ABCA2: variants seen among roughly 807,000 people sequenced by gnomAD.
The protein encoded by ABCA2 is ATP-binding cassette sub-family A member 2.
In ABCA2, 84 loss-of-function variants were observed where a neutral mutation model predicts 262.8. The observed-to-expected ratio is 0.32, with a 90% CI of 0.27 to 0.38. The LOEUF (loss-of-function observed/expected upper bound fraction) is 0.38, where lower values mean the gene tolerates loss of function less well. ABCA2 is among the 10% of genes least tolerant of loss of function. The pLI, the probability that ABCA2 is intolerant of heterozygous loss-of-function variation, is 1.00. For missense variants in ABCA2, 2,662 were observed against 3,405.9 expected (o/e 0.78, Z 5.44); for synonymous variants, 1,696 against 1,502.9 (o/e 1.13, Z -2.97).
chr9:137,022,946 G>A lies in ABCA2; in HGVS notation c.270C>T (p.Asn90=). The change falls in exon 4 of 49, where the codon AAC becomes AAT. Residue 90 remains asparagine (N), a synonymous_variant. Transcript: ENST00000341511. ...RDEFGFLQYA[N]STVTQLLERL... ...AGGGGCGGGTGGGCACTCACGTGGA[G>A]TTGGCGTACTGCAGGAAGCCGAACT... 6.3e-7 allele frequency: 1 copy of A among 1,574,962 alleles called. No homozygotes were observed. The highest frequency in any genetic ancestry group is 8.6e-7 in the Non-Finnish European group (1 of 1,161,280).
rs768000254 is a variant in ABCA2, at chr9:137,017,956, G to A, written c.2096+17C>T. 1.6e-5 allele frequency: 25 copies of A among 1,612,172 alleles called. No individual in the cohort carries two copies. The highest frequency in any genetic ancestry group is 4.4e-5 in the South Asian group (4 of 91,074). On this transcript the variant is annotated intron_variant, in intron 15 of 48. Coordinates refer to ENST00000341511, the MANE Select transcript of ABCA2 (RefSeq NM_001606.5). ...CAGCCCCAGCCCCAGCCCCAGCCCC[G>A]GGCGCCCAGCACTCACTCATCGCGT...
At chr9:137,009,223 C>T (rs1423138858) in intron 45 of ABCA2, 147 bp downstream of exon 45, 5 of 821,616 alleles carry the variant, frequency 6.1e-6, no homozygotes, top group Non-Finnish European at 9.3e-6. Flanking sequence ...CCTGGCCCCA[C>T]TGCCCCAGTC....
rs199857912 is a variant in ABCA2 at position 137,019,192 on chromosome 9, G to C, written c.1540C>G (p.Arg514Gly). The change falls in exon 11 of 49, where the codon CGC becomes GGC. Residue 514 changes from arginine to glycine, a missense_variant. Physicochemically the swap from Arg to Gly is moderately radical, Grantham distance 125. This residue lies in a region of ABCA2 where 187 missense variants were observed against 205.9 expected (regional missense o/e 0.91). Coordinates refer to ENST00000341511, the MANE Select transcript of ABCA2 (RefSeq NM_001606.5). This position sits in a 1 kb window ranked among gnomAD's most constrained non-coding sequence, Gnocchi z 4.4. ...ACCCTTGGCACCTGCTGCAGCCAGCGCAGGTGTTGCTGCAGCCTGCCCTGC... is the reference window on the plus strand; with the variant it reads ...ACCCTTGGCACCTGCTGCAGCCAGCCCAGGTGTTGCTGCAGCCTGCCCTGC... ...LEQGRLQQHL[R>G]WLQQYVAELR... The C allele has an allele frequency of 1.2e-5, 19 of 1,612,312 alleles. No individual in the cohort carries two copies. The highest frequency in any genetic ancestry group is 1.3e-5 in the Non-Finnish European group (15 of 1,179,796).
chr9:137,014,803 T>C lies in ABCA2; in HGVS notation c.3890A>G (p.Glu1297Gly). The change falls in exon 26 of 49, where the codon GAG (glutamate) becomes GGG (glycine). Residue 1297 changes from glutamate to glycine, a missense_variant. Physicochemically the swap from Glu to Gly is moderately conservative, Grantham distance 98 (BLOSUM62 -2). Around this residue, in one of 12 missense-constraint regions of ABCA2, gnomAD observed 297 missense variants for 286.5 expected, o/e 1.04. Transcript: ENST00000341511. ...GAGGTGCAGTGCATCCAGGCTGCGC[T>C]CCAGGTGCTGCAGGGGCGGTGGAGG... is the stretch of plus-strand genomic sequence containing the variant. ...GAFERLFQHL[E>G]RSLDALHLSS... 6.2e-7 allele frequency: 1 copy of C among 1,600,232 alleles called. No individual in the cohort carries two copies. The highest frequency in any genetic ancestry group is 1.1e-5 in the South Asian group (1 of 88,660).
In ABCA2 at chr9:137,022,358, G is replaced by A. The variant is rs769456540; in HGVS notation, c.560C>T (p.Pro187Leu). The A allele has an allele frequency of 1.7e-5, 27 of 1,606,042 alleles. No homozygotes were observed. Among genetic ancestry groups the A allele is most frequent in the East Asian group, 2.2e-5 (1 of 44,700 alleles). Reference sequence around the variant, plus strand: ...GAGCTGTCCCTGCCTTACCTCGGGCGGGTCCACACGGGCGGCCAAGAGTGC... The same window carrying A: ...GAGCTGTCCCTGCCTTACCTCGGGCAGGTCCACACGGGCGGCCAAGAGTGC... ...AQALLAARVD[P>L]PEVYHLLFGP... Residue 187 changes from proline (P) to leucine (L), a missense_variant, in exon 6 of 49, where the codon CCG becomes CTG. This residue lies in a region of ABCA2 where 403 missense variants were observed against 375.9 expected (regional missense o/e 1.07). Coordinates refer to ENST00000341511, the MANE Select transcript of ABCA2 (RefSeq NM_001606.5).
chr9:137,025,460 G>A (rs1831623537), intron 1 of ABCA2, among the ~76,000 whole-genome samples: 2 of 152,254 alleles, frequency 1.3e-5, no homozygotes, highest in African/African-American at 2.4e-5. Flanking sequence ...AGCCCCCAGT[G>A]TGCTGTGTGG....
At chr9:137,017,934 C>T (rs150028688) in intron 15 of ABCA2, 33 bp from the exon 16 acceptor site, 1 of 1,611,106 alleles carries the variant, frequency 6.2e-7, no homozygotes, top group Non-Finnish European at 8.5e-7. Flanking sequence ...CGCCACTCAG[C>T]CCCAGCCCCA....
At chr9:137,013,622 G>T in intron 28 of ABCA2, 59 bp from the exon 29 acceptor site, 5 of 1,514,012 alleles carry the variant, frequency 3.3e-6, no homozygotes, top group Non-Finnish European at 3.6e-6. Context: ...CGGCCCCCAA[G>T]CCTCGGTCCC....
In ABCA2 at chr9:137,009,612, G is replaced by A; in HGVS notation, c.6663C>T (p.Ala2221=). 1 of 1,612,960 alleles carries A rather than the reference G, an allele frequency of 6.2e-7. No homozygotes were observed. The highest frequency in any genetic ancestry group is 8.5e-7 in the Non-Finnish European group (1 of 1,179,912). ...DEPTTGMDPK[A]RRFLWNLILD... is the part of the protein sequence containing the mutation. ...GGATGAGGTTCCAGAGGAAGCGCCG[G>A]GCCTTGGGGTCCATGCCTGTGGTGG... The change falls in exon 44 of 49, where the codon GCC becomes GCT. Residue 2221 remains alanine, a synonymous_variant. Coordinates refer to ENST00000341511, the MANE Select transcript of ABCA2 (RefSeq NM_001606.5).
rs1199548047 is a variant in ABCA2 at position 137,013,454 on chromosome 9, G to C, written c.4550+7C>G. The C allele has an allele frequency of 1.9e-6, 3 of 1,600,630 alleles. No homozygotes were observed. Among genetic ancestry groups the C allele is most frequent in the Non-Finnish European group, 1.7e-6 (2 of 1,175,860 alleles). ...CCCACCAAGGCTGCCCCCGCTGGAG[G>C]CCTCACCGGTACTCGCGGCGCTCCT... On this transcript the variant is annotated splice_region_variant and intron_variant, in intron 29 of 48. Coordinates refer to ENST00000341511, the MANE Select transcript of ABCA2 (RefSeq NM_001606.5).
chr9:137,012,655 G>A, intron 31 of ABCA2, 57 bp downstream of exon 31: 1 of 1,610,384 alleles, frequency 6.2e-7, no homozygotes, highest in Non-Finnish European at 8.5e-7. Flanking sequence ...GGCAGGAGTT[G>A]AGACTAGGTG....
chr9:137,008,332 C>G, intron 48 of ABCA2, 84 bp downstream of exon 48: 2 of 1,479,770 alleles, frequency 1.4e-6, no homozygotes, highest in Non-Finnish European at 1.8e-6. Flanking sequence ...CAGTTCTCCC[C>G]CGACCCCACC....
Position 137,013,293 on chromosome 9 carries a change from G to T in ABCA2, c.4576C>A (p.Pro1526Thr). 6.4e-7 allele frequency: 1 copy of T among 1,568,748 alleles called. No homozygotes were observed. The change falls in exon 30 of 49, where the codon CCC becomes ACC. Residue 1526 changes from proline (P) to threonine (T), a missense_variant. Transcript: ENST00000341511. ...CGGAACGTGCTCACGAGCTGCTGGG[G>T]GCTGGCGTCGGGCGATAGCCGCAGC... ...YRLRLSPDAS[P>T]QQLVSTFRLP... is the part of the protein sequence containing the mutation.
Position 137,021,093 on chromosome 9 carries a change from G to A in ABCA2, c.898-32C>T. The A allele has an allele frequency of 6.9e-7, 1 of 1,457,142 alleles. No homozygotes were observed. The highest frequency in any genetic ancestry group is 1.4e-5 in the African/African-American group (1 of 70,502). The allele number at this position is 1,457,142 out of a possible 1,614,324, so 90.3% of individuals were successfully genotyped here. A position where few individuals can be genotyped will look rare whatever the true frequency, so the allele number is the denominator to read the frequency against. ...GGAAACAGGCACGTGGGCAGTGCGG[G>A]GTGAGATGGACTGCAGGTGGGTGAT... On this transcript the variant is annotated intron_variant, in intron 8 of 48. Coordinates refer to ENST00000341511, the MANE Select transcript of ABCA2 (RefSeq NM_001606.5). The surrounding 1 kb of genome is among the most constrained non-coding windows in gnomAD (Gnocchi z 6.0).
Position 137,014,155 on chromosome 9 carries a change from C to T in ABCA2, c.4240+13G>A. On this transcript the variant is annotated intron_variant, in intron 27 of 48. Transcript: ENST00000341511. ...CCTCCCTTGCTGTCCCAGCCTCACC[C>T]TGCCACCCCCACCTTGCAGGCTGAC... 6.2e-7 allele frequency: 1 copy of T among 1,603,576 alleles called. No homozygotes were observed. The highest frequency in any genetic ancestry group is 8.5e-7 in the Non-Finnish European group (1 of 1,175,128).
intron 17 of ABCA2, 27 bp downstream of exon 17, chr9:137,017,475 G>T (rs2131452361): frequency 6.3e-7 from 1 of 1,599,600 alleles, no homozygotes; most frequent in Non-Finnish European, 8.5e-7. Context: ...CCTGCCCCAG[G>T]TCCCTCCTAC....
Position 137,012,828 on chromosome 9 carries a change from A to G in ABCA2, c.4965T>C (p.Ser1655=), listed in dbSNP as rs1831109450. The G allele has an allele frequency of 6.2e-7, 1 of 1,611,022 alleles. No individual in the cohort carries two copies. The highest frequency in any genetic ancestry group is 8.5e-7 in the Non-Finnish European group (1 of 1,179,302). ...AQGTGFSCPS[S]VGGHPPQMRV... ...GCATCTGGGGCGGGTGCCCGCCCACACTGCTGGGGCAGGAGAAGCCGGTGC... is the reference window on the plus strand; with the variant it reads ...GCATCTGGGGCGGGTGCCCGCCCACGCTGCTGGGGCAGGAGAAGCCGGTGC... Residue 1655 remains serine, a synonymous_variant, in exon 31 of 49, where the codon AGT becomes AGC. Transcript: ENST00000341511.
chr9:137,023,732 G>T (rs191727635), intron 3 of ABCA2, 106 bp downstream of exon 3: 12 of 710,732 alleles, frequency 1.7e-5, no homozygotes, highest in Non-Finnish European at 3.1e-5. Flanking sequence ...CAGGGGGCCC[G>T]GGAGGGCTGT....
rs764316488 is a variant in ABCA2, at chr9:137,013,908, T to G, written c.4371A>C (p.Ala1457=). 43 of 1,612,188 alleles carry G rather than the reference T, an allele frequency of 2.7e-5. No individual in the cohort carries two copies. The highest frequency in any genetic ancestry group is 3.5e-5 in the Non-Finnish European group (41 of 1,179,852). The part of the protein sequence containing the change: ...RFHCARRNSK[A]LFSQILLPAF... ...CTGGCAGCAAGATCTGGGAGAAGAG[T>G]GCCTTGGAGTTGCGGCGGGCGCAGT... Residue 1457 remains alanine, a synonymous_variant, in exon 28 of 49, where the codon GCA becomes GCC. Transcript: ENST00000341511.
Sources: allele counts gnomAD v4.1 joint callset (sites outside exome capture counted in the v4.1 genomes callset), GRCh38; gene constraint gnomAD v4.1.1; regional missense constraint gnomAD v4.1.1; non-coding constraint Gnocchi (gnomAD v3.1); transcripts MANE v1.5; gene names NCBI Gene and HGNC (gene_info 2026-07-23, HGNC 2026-07-21).